Variants in AP3D1 observed in about 807,000 individuals in gnomAD.
The protein encoded by AP3D1 is adaptor related protein complex 3 subunit delta 1.
AP3D1 carries 51 observed loss-of-function variants against 147.6 expected under a neutral mutation model. The observed-to-expected ratio is 0.35, with a 90% CI of 0.28 to 0.44. The LOEUF (loss-of-function observed/expected upper bound fraction) is 0.44. AP3D1 is among the 20% of genes least tolerant of loss of function. The probability of loss-of-function intolerance (pLI) is 1.00; values close to 1 mark genes in which losing one functional copy is unlikely to be tolerated. For missense variants in AP3D1, 1,421 were observed against 1,624.2 expected, an observed-to-expected ratio of 0.87 and a Z score of 2.15; for synonymous variants, 760 against 663.0, an observed-to-expected ratio of 1.15 and a Z score of -2.25.
In AP3D1 at chr19:2,130,209, G is replaced by C. The variant is rs534061664; in HGVS notation, c.592+199C>G. Among the ~76,000 whole-genome samples, 550 of 152,258 alleles carry C rather than the reference G, an allele frequency of 3.6e-3. 2 individuals are homozygous for C. Among genetic ancestry groups the C allele is most frequent in the African/African-American group, 0.012 (515 of 41,548 alleles). ...AGACTCACCGCCAGCTGCCACATTG[G>C]ATCTTACTGCCCCCACCACCAGCAC... On this transcript the variant is annotated intron_variant, in intron 6 of 31. Transcript: ENST00000643116.
chr19:2,109,830 C>T (rs1354230184), intron 29 of AP3D1, 43 bp downstream of exon 29: 28 of 1,578,664 alleles, frequency 1.8e-5, no homozygotes, highest in Non-Finnish European at 1.9e-5. Context: ...AGAGGGGAGG[C>T]GGAGGGGGTT....
chr19:2,157,549 C>T (rs1440787032), intron 1 of AP3D1, among the ~76,000 whole-genome samples: 1 of 151,116 alleles, frequency 6.6e-6, no homozygotes, highest in Non-Finnish European at 1.5e-5. Flanking sequence ...ATCCATCCAT[C>T]CATCCATCTA....
At position 2,116,585 on chromosome 19, in the gene AP3D1, A is replaced by AG. The variant is rs1177810117; in HGVS notation, c.2001+19dup. ...AGGAGGGAGGAGACGAGGGCTCGCC[A>AG]GGGGCAGCCAGCAGCTCACCCGAGC... is the stretch of plus-strand genomic sequence containing the variant. On this transcript the variant is annotated intron_variant, in intron 17 of 31. Transcript: ENST00000643116. 1.9e-6 allele frequency: 3 copies of AG among 1,568,200 alleles called. No individual in the cohort carries two copies. Among genetic ancestry groups the AG allele is most frequent in the Non-Finnish European group, 2.6e-6 (3 of 1,158,880 alleles).
At chr19:2,127,967 C>T (rs2145098123) in intron 8 of AP3D1, among the ~76,000 whole-genome samples, 1 of 152,358 alleles carries the variant, frequency 6.6e-6, no homozygotes, top group East Asian at 1.9e-4. Context: ...TGGCGAGCTT[C>T]AGCAGTGAAG....
chr19:2,125,320 TGTTTC>T (rs750466224), intron 9 of AP3D1, among the ~76,000 whole-genome samples: 4 of 152,134 alleles, frequency 2.6e-5, no homozygotes, highest in Non-Finnish European at 4.4e-5. Flanking sequence ...TGTTTTGTTT[TGTTTC>T]GTTTTTTGAG....
intron 5 of AP3D1, among the ~76,000 whole-genome samples, chr19:2,131,825 G>A (rs941380656): frequency 3.4e-5 from 5 of 148,272 alleles, no homozygotes; most frequent in Admixed American, 6.7e-5. Flanking sequence ...ACCTCCGGGC[G>A]GACAGGCAGC....
intron 14 of AP3D1, 52 bp from the exon 15 acceptor site, chr19:2,118,884 C>T (rs751224975): frequency 6.5e-7 from 1 of 1,547,348 alleles, no homozygotes; most frequent in Non-Finnish European, 8.8e-7. Flanking sequence ...CGGGGCTCCT[C>T]TCTAGCAGGT....
intron 4 of AP3D1, among the ~76,000 whole-genome samples, chr19:2,134,034 G>A (rs1178458212): frequency 6.6e-6 from 1 of 151,972 alleles, no homozygotes; most frequent in African/African-American, 2.4e-5. Context: ...CTTGAACCCA[G>A]GAGGCAGAGG....
At chr19:2,142,842 A>C (rs1295508849) in intron 1 of AP3D1, among the ~76,000 whole-genome samples, 4 of 151,392 alleles carry the variant, frequency 2.6e-5, no homozygotes, top group African/African-American at 9.7e-5. Flanking sequence ...GGCTCACCAC[A>C]ACCTCCGCCT....
chr19:2,157,884 T>C (rs980463439), intron 1 of AP3D1, among the ~76,000 whole-genome samples: 1 of 152,186 alleles, frequency 6.6e-6, no homozygotes, highest in Admixed American at 6.6e-5. Context: ...CTCAAGTTTG[T>C]CATGTGGAGG....
chr19:2,151,326 G>C lies in AP3D1; in HGVS notation c.9C>G (p.Leu3=). The C allele has an allele frequency of 6.3e-7, 1 of 1,586,988 alleles. No individual in the cohort carries two copies. The change falls in exon 1 of 32, where the codon CTC becomes CTG. Residue 3 remains leucine (L), a synonymous_variant. Coordinates refer to ENST00000643116, the MANE Select transcript of AP3D1 (RefSeq NM_001261826.3). ...GGTCGATGCTGCCCTTCACCATCTTGAGGGCCATCGCGGCGGCCCACGGGC... is the reference window on the plus strand; with the variant it reads ...GGTCGATGCTGCCCTTCACCATCTTCAGGGCCATCGCGGCGGCCCACGGGC... MA[L]KMVKGSIDRM... is the part of the protein sequence containing the mutation.
At chr19:2,137,226 C>A in intron 3 of AP3D1, 135 bp from the exon 4 acceptor site, 1 of 731,076 alleles carries the variant, frequency 1.4e-6, no homozygotes, top group South Asian at 1.6e-5. Context: ...CTGGGGCCAC[C>A]AGCAAGTGGG....
intron 6 of AP3D1, 113 bp from the exon 7 acceptor site, chr19:2,129,570 A>G (rs943425654): frequency 3.7e-6 from 5 of 1,335,944 alleles, no homozygotes; most frequent in African/African-American, 2.9e-5. Flanking sequence ...CCCACTGAAC[A>G]TGGCCCTGGC....
At position 2,115,263 on chromosome 19, in the gene AP3D1, C is replaced by A; in HGVS notation, c.2305G>T (p.Ala769Ser). Residue 769 changes from alanine to serine, a missense_variant, in exon 20 of 32, where the codon GCC becomes TCC. This residue lies in a region of AP3D1 where 791 missense variants were observed against 761.4 expected (regional missense o/e 1.04). Coordinates refer to ENST00000643116, the MANE Select transcript of AP3D1 (RefSeq NM_001261826.3). ...ACGATGTCCACCTGCTGGGCAGGGG[C>A]GATGTCCTCGTCGCTCTCCGTGGGC... The part of the protein sequence containing the change: ...SLPTESDEDI[A>S]PAQQVDIVTE... 6.2e-7 allele frequency: 1 copy of A among 1,613,458 alleles called. No homozygotes were observed. The highest frequency in any genetic ancestry group is 8.5e-7 in the Non-Finnish European group (1 of 1,179,986).
rs2018906567 is a variant in AP3D1 at position 2,130,442 on chromosome 19, G to A, written c.558C>T (p.Pro186=). Residue 186 remains proline (P), a synonymous_variant, in exon 6 of 32, where the codon CCC becomes CCT. Transcript: ENST00000643116. ...KYPESLRPAF[P]RLKEKLEDPD... is the part of the protein sequence containing the mutation. ...GGTCCTCCAGCTTCTCCTTCAGCCG[G>A]GGAAAGGCAGGGCGCAGCGACTCGG... 1.2e-6 allele frequency: 2 copies of A among 1,613,926 alleles called. No homozygotes were observed. Among genetic ancestry groups the A allele is most frequent in the East Asian group, 2.2e-5 (1 of 44,904 alleles).
In AP3D1 at chr19:2,116,622, C is replaced by T. The variant is rs764554391; in HGVS notation, c.1984G>A (p.Glu662Lys). 6.3e-6 allele frequency: 10 copies of T among 1,597,004 alleles called. No individual in the cohort carries two copies. The highest frequency in any genetic ancestry group is 1.7e-5 in the Admixed American group (1 of 58,490). ...CAGCTCACCCGAGCCAGCTCTTCCT[C>T]GTCCGCCTCCGACGGCCGGTGCTTG... ...RPKHRPSEADEEELARRREAR... is the reference protein window; with the variant it reads ...RPKHRPSEADKEELARRREAR... The change falls in exon 17 of 32, where the codon GAG becomes AAG. Residue 662 changes from glutamate (E) to lysine (K), a missense_variant. Glu to Lys is a moderately conservative substitution (Grantham distance 56). This residue lies in a region of AP3D1 where 791 missense variants were observed against 761.4 expected (regional missense o/e 1.04). Coordinates refer to ENST00000643116, the MANE Select transcript of AP3D1 (RefSeq NM_001261826.3).
rs1013871776 is a variant in AP3D1, at chr19:2,130,624, G to A, written c.463-87C>T. On this transcript the variant is annotated intron_variant, in intron 5 of 31. Coordinates refer to ENST00000643116, the MANE Select transcript of AP3D1 (RefSeq NM_001261826.3). ...TCCCAGCCGCCTCCTCCACAGAGAG[G>A]AGATGCCCTCCAGCCCGACGCTGTG... The A allele has an allele frequency of 2.3e-5, 36 of 1,577,060 alleles. 1 individual carries two copies. The highest frequency in any genetic ancestry group is 1.9e-4 in the Middle Eastern group (1 of 5,252).
At chr19:2,123,465 AG>A in intron 10 of AP3D1, 59 bp from the exon 11 acceptor site, 4 of 1,574,634 alleles carry the variant, frequency 2.5e-6, no homozygotes, top group Admixed American at 1.7e-5. Flanking sequence ...TGAGTCCCAC[AG>A]GTACCCTCCA....
At chr19:2,132,399 C>A in intron 5 of AP3D1, 72 bp downstream of exon 5, 1 of 1,409,142 alleles carries the variant, frequency 7.1e-7, no homozygotes, top group Non-Finnish European at 9.9e-7. Context: ...CCAAGCTTCC[C>A]AGGCATGCCA....
Sources: allele counts gnomAD v4.1 joint callset (sites outside exome capture counted in the v4.1 genomes callset), GRCh38; gene constraint gnomAD v4.1.1; regional missense constraint gnomAD v4.1.1; transcripts MANE v1.5; gene names NCBI Gene and HGNC (gene_info 2026-07-23, HGNC 2026-07-21).